Variants in DNAH6 observed in about 807,000 individuals in gnomAD.
DNAH6 encodes dynein axonemal heavy chain 6.
DNAH6 carries 340 observed loss-of-function variants against 491.4 expected under a neutral mutation model. The observed-to-expected ratio is 0.69, with a 90% CI of 0.63 to 0.76. The LOEUF is 0.76. Among genes scored for constraint, DNAH6 ranks in the 30% least tolerant of loss-of-function variants. The pLI, the probability that DNAH6 is intolerant of heterozygous loss-of-function variation, is 0.00. For missense variants in DNAH6, 4,443 were observed against 4,972.2 expected (o/e 0.89, Z 3.20); for synonymous variants, 1,603 against 1,686.1 (o/e 0.95, Z 1.21).
intron 59 of DNAH6, among the ~76,000 whole-genome samples, chr2:84,721,783 T>C (rs1043926449): frequency 1.3e-5 from 2 of 152,186 alleles, no homozygotes; most frequent in Non-Finnish European, 2.9e-5. Context: ...CCTTTTAGCT[T>C]TGATGGAGCA....
At chr2:84,537,827 G>C (rs1224334387) in intron 4 of DNAH6, among the ~76,000 whole-genome samples, 2 of 151,616 alleles carry the variant, frequency 1.3e-5, no homozygotes, top group Non-Finnish European at 2.9e-5. Flanking sequence ...TTTTGTTTTG[G>C]CCATTGAAAT....
chr2:84,715,509 T>G, intron 57 of DNAH6, 51 bp from the exon 58 acceptor site: 1 of 1,512,136 alleles, frequency 6.6e-7, no homozygotes, highest in Non-Finnish European at 9.0e-7. Flanking sequence ...AGAAAGGTAT[T>G]TTATTAGTTT....
chr2:84,704,417 G>C, intron 51 of DNAH6, 115 bp downstream of exon 51: 1 of 766,640 alleles, frequency 1.3e-6, no homozygotes, highest in South Asian at 1.9e-5. Flanking sequence ...GCTTCAGTTG[G>C]TCATTCAACA....
rs542436120 is a variant in DNAH6, at chr2:84,670,611, G to A, written c.6454+136G>A. 7.4e-5 allele frequency: 49 copies of A among 665,096 alleles called. No homozygotes were observed. In the South Asian group the frequency reaches 1.0e-3, roughly 14 times the overall value. 41.2% of individuals were successfully genotyped at this position (665,096 alleles called of 1,614,324 possible). On this transcript the variant is annotated intron_variant, in intron 39 of 76. Transcript: ENST00000389394. ...ACTTGTAAAGGTGATTCTGTTCATG[G>A]CATTTTTATGCTAGCTATGTAGATG...
Position 84,557,753 on chromosome 2 carries a change from G to A in DNAH6, c.1621G>A (p.Val541Ile). ...TTAACAGGATGGTATTTTGGGTGCA[G>A]TTAATCACTGTCAAAACACTGTGTT... ...EDFLDGILGA[V>I]NHCQNTVLSV... is the part of the protein sequence containing the mutation. The change falls in exon 11 of 77, where the codon GTT becomes ATT. Residue 541 changes from valine to isoleucine, a missense_variant. Around this residue, in one of 3 missense-constraint regions of DNAH6, gnomAD observed 2,977 missense variants for 3,296.6 expected, o/e 0.90. Transcript: ENST00000389394. 6.3e-7 allele frequency: 1 copy of A among 1,591,246 alleles called. No homozygotes were observed. Among genetic ancestry groups the A allele is most frequent in the Non-Finnish European group, 8.6e-7 (1 of 1,166,834 alleles).
chr2:84,744,386 A>G lies in DNAH6; in HGVS notation c.10343-694A>G, dbSNP rs748983378. 9.2e-5 allele frequency among the ~76,000 whole-genome samples: 14 copies of G among 152,356 alleles called. No homozygotes were observed. In the South Asian group the frequency reaches 2.1e-3, roughly 23 times the overall value. ...CGAATTCTTAGTACATGTTATAACC[A>G]TTGTAAGAACTAACTGTGATCCTAA... On this transcript the variant is annotated intron_variant, in intron 62 of 76. Coordinates refer to ENST00000389394, the MANE Select transcript of DNAH6 (RefSeq NM_001370.2).
intron 64 of DNAH6, among the ~76,000 whole-genome samples, chr2:84,769,976 A>G (rs1048822989): frequency 3.3e-5 from 5 of 152,196 alleles, no homozygotes; most frequent in Non-Finnish European, 7.3e-5. Flanking sequence ...GCTTGGCCCA[A>G]CCAGGAAGTG....
Position 84,547,410 on chromosome 2 carries a change from A to G in DNAH6, c.1065+8A>G. ...GTCATACGGCTAGCAGAGGTAACAAATTTTGTCTATAAGAATCAAAGCTTT... is the reference window on the plus strand; with the variant it reads ...GTCATACGGCTAGCAGAGGTAACAAGTTTTGTCTATAAGAATCAAAGCTTT... On this transcript the variant is annotated splice_region_variant and intron_variant, in intron 6 of 76. Transcript: ENST00000389394. 6.4e-7 allele frequency: 1 copy of G among 1,551,646 alleles called. No homozygotes were observed. The highest frequency in any genetic ancestry group is 8.7e-7 in the Non-Finnish European group (1 of 1,146,918).
chr2:84,504,941 A>G, the DNAH6 span, among the ~76,000 whole-genome samples: 1 of 152,138 alleles, frequency 6.6e-6, no homozygotes, highest in Non-Finnish European at 1.5e-5. Flanking sequence ...CTGTACATCA[A>G]TTTGGGGAGT....
intron 20 of DNAH6, 90 bp downstream of exon 20, chr2:84,605,682 A>G (rs1685691272): frequency 1.2e-6 from 1 of 800,684 alleles, no homozygotes; most frequent in South Asian, 2.0e-5. Flanking sequence ...TGAGGGAATA[A>G]AACATGAGAG....
chr2:84,809,097 A>T (rs11693517), intron 72 of DNAH6, among the ~76,000 whole-genome samples: 6,313 of 152,160 alleles, frequency 0.041, 164 homozygotes, highest in African/African-American at 0.067. Context: ...ATTTGCAAAC[A>T]CCTGTTTGAT....
chr2:84,465,067 G>A, the DNAH6 span, among the ~76,000 whole-genome samples: 1 of 152,144 alleles, frequency 6.6e-6, no homozygotes. Context: ...TGATATTCCT[G>A]CCTAACTGTG....
chr2:84,529,340 TTATC>T (rs1368945033), intron 4 of DNAH6, among the ~76,000 whole-genome samples, 174 bp downstream of exon 4: 1 of 152,056 alleles, frequency 6.6e-6, no homozygotes, highest in Non-Finnish European at 1.5e-5. Flanking sequence ...TATCTTCCCT[TTATC>T]TATTTAGAAA....
Position 84,553,635 on chromosome 2 carries a change from T to TTC in DNAH6, c.1602+602_1602+603insCT, listed in dbSNP as rs1404117015. On this transcript the variant is annotated intron_variant, in intron 10 of 76. Coordinates refer to ENST00000389394, the MANE Select transcript of DNAH6 (RefSeq NM_001370.2). The stretch of plus-strand genomic sequence containing the variant: ...ATGCCACCAGGACTGGCTATTTTTT[T>TTC]TTTTTTTTTTTTTTTGTAGAGATGC... Among the ~76,000 whole-genome samples the TTC allele has an allele frequency of 2.3e-5, 3 of 132,926 alleles. No homozygotes were observed. In the East Asian group the frequency reaches 6.4e-4, roughly 29 times the overall value. 87.2% of individuals were successfully genotyped at this position (132,926 alleles called of 152,430 possible). A position where few individuals can be genotyped will look rare whatever the true frequency, so the allele number is the denominator to read the frequency against.
Position 84,705,717 on chromosome 2 carries a change from AC to A in DNAH6, c.8699del (p.Pro2900GlnfsTer20). The A allele has an allele frequency of 6.4e-7, 1 of 1,550,880 alleles. No individual in the cohort carries two copies. The highest frequency in any genetic ancestry group is 8.7e-7 in the Non-Finnish European group (1 of 1,146,738). Reference protein sequence around the residue: ...LYSRVVKVVEPKRQKLRAAQA... With the variant: ...LYSRVVKVVEXKRQKLRAAQA... ...ACTCTCGAGTGGTCAAGGTCGTCGA[AC>A]CAAAAAGACAAAAGCTCCGCGCCGC... On this transcript the variant is annotated frameshift_variant, in exon 52 of 77. Coordinates refer to ENST00000389394, the MANE Select transcript of DNAH6 (RefSeq NM_001370.2). LOFTEE classifies it high-confidence loss of function.
At chr2:84,537,753 T>C (rs1327421460) in intron 4 of DNAH6, among the ~76,000 whole-genome samples, 2 of 152,094 alleles carry the variant, frequency 1.3e-5, no homozygotes, top group East Asian at 3.9e-4. Flanking sequence ...GTAGGTGTTT[T>C]TCATATCTAC....
Position 84,796,306 on chromosome 2 carries a change from G to T in DNAH6, c.11240G>T (p.Gly3747Val). The T allele has an allele frequency of 1.4e-6, 2 of 1,459,554 alleles. No homozygotes were observed. Among genetic ancestry groups the T allele is most frequent in the Non-Finnish European group, 1.8e-6 (2 of 1,100,598 alleles). 90.4% of individuals were successfully genotyped at this position (1,459,554 alleles called of 1,614,324 possible). A position where few individuals can be genotyped will look rare whatever the true frequency, so the allele number is the denominator to read the frequency against. The change falls in exon 69 of 77, where the codon GGT (glycine) becomes GTT (valine). Residue 3747 changes from glycine (G) to valine (V), a missense_variant and splice_region_variant. Coordinates refer to ENST00000389394, the MANE Select transcript of DNAH6 (RefSeq NM_001370.2). ...TTTCAAAATACAAATTTCTTTTCAG[G>T]TGAAATTACTTATGGTGGTAGAGTC... Reference protein sequence around the residue: ...IPWDALIYITGEITYGGRVTD... With the variant: ...IPWDALIYITVEITYGGRVTD...
At chr2:84,667,552 TACCATCTC>T (rs373617875) in intron 37 of DNAH6, among the ~76,000 whole-genome samples, 1,721 of 152,242 alleles carry the variant, frequency 0.011, 32 homozygotes, top group African/African-American at 0.038. Flanking sequence ...CACAATGAGA[TACCATCTC>T]ACACCAGTTA....
At chr2:84,663,441 G>A (rs554345422) in intron 37 of DNAH6, among the ~76,000 whole-genome samples, 8 of 152,206 alleles carry the variant, frequency 5.3e-5, no homozygotes, top group South Asian at 4.1e-4. Context: ...CGAGAACTAC[G>A]TGACACATGC....
Sources: gnomAD v4.1 joint callset for allele counts (sites outside exome capture counted in the v4.1 genomes callset) on GRCh38, gnomAD v4.1.1 for gene constraint, gnomAD v4.1.1 regional missense constraint, MANE v1.5 for transcripts, NCBI Gene and HGNC (gene_info 2026-07-23, HGNC 2026-07-21) for gene names.